The following RNF123 variants were observed in gnomAD, a reference collection of about 807,000 sequenced individuals.
The protein encoded by RNF123 is ring finger protein 123, also known as E3 ubiquitin-protein ligase RNF123.
RNF123 carries 86 observed loss-of-function variants against 168.5 expected under a neutral mutation model. That is an observed-to-expected ratio of 0.51 (90% CI 0.43 to 0.61). The LOEUF (loss-of-function observed/expected upper bound fraction) is 0.61. Among genes scored for constraint, RNF123 ranks in the 20% least tolerant of loss-of-function variants. The pLI is 0.00. For synonymous variants in RNF123, 666 were observed against 689.1 expected (o/e 0.97, Z 0.52); for missense variants, 1,419 against 1,729.7 (o/e 0.82, Z 3.19).
chr3:49,717,906 G>C, intron 35 of RNF123: 2 of 1,570,084 alleles, frequency 1.3e-6, no homozygotes, highest in Non-Finnish European at 1.7e-6. Context: ...GGAGCAGGGC[G>C]AGCAGCAAGA....
chr3:49,697,879 A>G lies in RNF123; in HGVS notation c.343-6A>G. 1 of 1,614,008 alleles carries G rather than the reference A, an allele frequency of 6.2e-7. No individual in the cohort carries two copies. The highest frequency in any genetic ancestry group is 8.5e-7 in the Non-Finnish European group (1 of 1,179,982). The stretch of plus-strand genomic sequence containing the variant: ...AGCTAGCCCACCACCCCTCTTCTTC[A>G]CCCAGGTGATTGGACACAGCAACTT... On this transcript the variant is annotated splice_polypyrimidine_tract_variant and splice_region_variant and intron_variant, in intron 5 of 38. Coordinates refer to ENST00000327697, the MANE Select transcript of RNF123 (RefSeq NM_022064.5).
Position 49,691,140 on chromosome 3 carries a change from C to G in RNF123, c.-26C>G. ...CTGTGTCTGGCTCAGCCCCCAGGAC[C>G]ACTGGCTGCCCATGAGAGATGAAGG... On this transcript the variant is annotated 5_prime_UTR_variant, in exon 2 of 39. Coordinates refer to ENST00000327697, the MANE Select transcript of RNF123 (RefSeq NM_022064.5). 1.2e-6 allele frequency: 2 copies of G among 1,610,438 alleles called. No individual in the cohort carries two copies. The highest frequency in any genetic ancestry group is 1.7e-6 in the Non-Finnish European group (2 of 1,177,000).
chr3:49,718,852 G>C lies in RNF123; in HGVS notation c.3501-1659G>C, dbSNP rs754152158. 2 of 1,613,448 alleles carry C rather than the reference G, an allele frequency of 1.2e-6. No individual in the cohort carries two copies. Among genetic ancestry groups the C allele is most frequent in the Non-Finnish European group, 1.7e-6 (2 of 1,180,042 alleles). On this transcript the variant is annotated intron_variant, in intron 35 of 38. Coordinates refer to ENST00000327697, the MANE Select transcript of RNF123 (RefSeq NM_022064.5). ...GCCGTTCTTGAGGAAGGCCGGCAGC[G>C]CGGCCAGCTCAGGTACGGAGATGTG...
chr3:49,689,945 C>G (rs188322715), intron 1 of RNF123: 1 of 152,164 alleles, frequency 6.6e-6, no homozygotes, highest in Non-Finnish European at 1.5e-5. Context: ...CTCCCGGAGC[C>G]CACTCCGGGT....
chr3:49,720,515 G>A lies in RNF123; in HGVS notation c.3505G>A (p.Glu1169Lys). 1 of 1,586,046 alleles carries A rather than the reference G, an allele frequency of 6.3e-7. No homozygotes were observed. Among genetic ancestry groups the A allele is most frequent in the Non-Finnish European group, 8.6e-7 (1 of 1,164,986 alleles). ...LLVRGPASER[E>K]QATSVLLADP... The stretch of plus-strand genomic sequence containing the variant: ...CTTGCACCCTCCCCTACCTAGGAGA[G>A]AGCAAGCCACATCAGTGCTCCTGGC... Residue 1169 changes from glutamate to lysine, a missense_variant, in exon 36 of 39, where the codon GAG becomes AAG. By Grantham distance (56) the Glu-to-Lys change is moderately conservative (BLOSUM62 1). Transcript: ENST00000327697.
rs1007857762 is a variant in RNF123 at position 49,703,408 on chromosome 3, C to T, written c.1751-19C>T. The T allele has an allele frequency of 6.2e-7, 1 of 1,606,338 alleles. No individual in the cohort carries two copies. Among genetic ancestry groups the T allele is most frequent in the Non-Finnish European group, 8.5e-7 (1 of 1,173,300 alleles). Reference sequence around the variant, plus strand: ...TACTGGGCCGTGACCACTGGCCTAGCCTCCTCAATTCCTCGCAGAGGCCTA... The same window carrying T: ...TACTGGGCCGTGACCACTGGCCTAGTCTCCTCAATTCCTCGCAGAGGCCTA... On this transcript the variant is annotated intron_variant, in intron 20 of 38. Coordinates refer to ENST00000327697, the MANE Select transcript of RNF123 (RefSeq NM_022064.5).
In RNF123 at chr3:49,698,116, C is replaced by A; in HGVS notation, c.462C>A (p.Ile154=). 6.2e-7 allele frequency: 1 copy of A among 1,613,852 alleles called. No individual in the cohort carries two copies. The highest frequency in any genetic ancestry group is 8.5e-7 in the Non-Finnish European group (1 of 1,179,946). The part of the protein sequence containing the change: ...QGLMQIGWCT[I]SCRFNQEEGV... Reference sequence around the variant, plus strand: ...TCATGCAGATCGGCTGGTGCACCATCAGCTGCCGCTTCAACCAGGAGGTAC... The same window carrying A: ...TCATGCAGATCGGCTGGTGCACCATAAGCTGCCGCTTCAACCAGGAGGTAC... The change falls in exon 7 of 39, where the codon ATC becomes ATA. Residue 154 remains isoleucine (I), a synonymous_variant. Transcript: ENST00000327697.
chr3:49,704,178 C>T (rs991842585), intron 21 of RNF123, among the ~76,000 whole-genome samples: 9 of 151,822 alleles, frequency 5.9e-5, no homozygotes, highest in Admixed American at 3.9e-4. Context: ...GCAGCGAAGG[C>T]GGGGTCAGTT....
At chr3:49,709,518 T>C (rs1202729064) in intron 26 of RNF123, among the ~76,000 whole-genome samples, 8 of 152,124 alleles carry the variant, frequency 5.3e-5, no homozygotes, top group African/African-American at 1.9e-4. Context: ...GCCAGGATGG[T>C]CTCGATCTCC....
Position 49,698,168 on chromosome 3 carries a change from G to C in RNF123, c.483+31G>C, listed in dbSNP as rs748040421. ...CGTTGGGGAGGGGACCCCTCCCTGGGCCCAGGGAGAGCTTCTCCTGCCACA... is the reference window on the plus strand; with the variant it reads ...CGTTGGGGAGGGGACCCCTCCCTGGCCCCAGGGAGAGCTTCTCCTGCCACA... On this transcript the variant is annotated intron_variant, in intron 7 of 38. Coordinates refer to ENST00000327697, the MANE Select transcript of RNF123 (RefSeq NM_022064.5). The C allele has an allele frequency of 3.2e-6, 5 of 1,584,004 alleles. No homozygotes were observed. In the Admixed American group the frequency reaches 8.4e-5, roughly 27 times the overall value.
intron 26 of RNF123, among the ~76,000 whole-genome samples, chr3:49,708,307 C>T (rs956909690): frequency 6.6e-6 from 1 of 152,168 alleles, no homozygotes; most frequent in Non-Finnish European, 1.5e-5. Context: ...TTCACATTGT[C>T]GTGCAGCCAA....
At position 49,697,917 on chromosome 3, in the gene RNF123, C is replaced by T. The variant is rs1249931127; in HGVS notation, c.375C>T (p.Arg125=). The T allele has an allele frequency of 6.2e-7, 1 of 1,614,226 alleles. No homozygotes were observed. The highest frequency in any genetic ancestry group is 1.1e-5 in the South Asian group (1 of 91,090). Reference sequence around the variant, plus strand: ...GACACAGCAACTTTGGCACCATCCGCTCTACCACATGCGTGTACAAAGGTG... The same window carrying T: ...GACACAGCAACTTTGGCACCATCCGTTCTACCACATGCGTGTACAAAGGTG... The part of the protein sequence containing the change: ...VIGHSNFGTI[R]STTCVYKGKW... Residue 125 remains arginine (R), a synonymous_variant, in exon 6 of 39, where the codon CGC becomes CGT. Transcript: ENST00000327697.
chr3:49,715,847 A>T lies in RNF123; in HGVS notation c.3176A>T (p.Glu1059Val). 6.2e-7 allele frequency: 1 copy of T among 1,614,052 alleles called. No individual in the cohort carries two copies. Among genetic ancestry groups the T allele is most frequent in the Middle Eastern group, 1.6e-4 (1 of 6,062 alleles). ...QEIQQAAERL[E>V]RNFVDSRQLK... ...ATCCAGCAGGCTGCTGAGCGCCTGG[A>T]GCGGAACTTTGTGGACAGCCGGCAG... The change falls in exon 33 of 39, where the codon GAG (glutamate) becomes GTG (valine). Residue 1059 changes from glutamate (E) to valine (V), a missense_variant. Physicochemically the swap from Glu to Val is moderately radical, Grantham distance 121. Around this residue, in one of 5 missense-constraint regions of RNF123, gnomAD observed 538 missense variants for 708.8 expected, o/e 0.76. Transcript: ENST00000327697.
Position 49,714,116 on chromosome 3 carries a change from A to G in RNF123, c.2952A>G (p.Thr984=). ...GCTGTGGCTTCGGGTACCGCTATAC[A>G]CGGCTGCCACATCTGCTGAAAACCA... is the stretch of plus-strand genomic sequence containing the variant. ...WRGCGFGYRY[T]RLPHLLKTKL... is the part of the protein sequence containing the mutation. Residue 984 remains threonine, a synonymous_variant, in exon 31 of 39, where the codon ACA becomes ACG. Coordinates refer to ENST00000327697, the MANE Select transcript of RNF123 (RefSeq NM_022064.5). 1 of 1,614,010 alleles carries G rather than the reference A, an allele frequency of 6.2e-7. No homozygotes were observed. The highest frequency in any genetic ancestry group is 8.5e-7 in the Non-Finnish European group (1 of 1,180,024).
chr3:49,691,572 G>A (rs2054167601), intron 3 of RNF123, 63 bp downstream of exon 3: 2 of 1,360,674 alleles, frequency 1.5e-6, no homozygotes, highest in Admixed American at 1.8e-5. Context: ...GGAGGCTGCA[G>A]TTGTAGGGAA....
chr3:49,702,752 G>A lies in RNF123; in HGVS notation c.1749G>A (p.Glu583=), dbSNP rs2054431897. Residue 583 remains glutamate, a splice_region_variant and synonymous_variant, in exon 20 of 39, where the codon GAG becomes GAA. Transcript: ENST00000327697. ...CCAATCCTCATGCTTCCTTCAGTGA[G>A]GGTGAGTGGCACCGGGGTCCCAGGT... ...KASNPHASFS[E]EAYIPPQVFY... 6.2e-7 allele frequency: 1 copy of A among 1,614,040 alleles called. No individual in the cohort carries two copies. The highest frequency in any genetic ancestry group is 1.3e-5 in the African/African-American group (1 of 74,946).
At position 49,691,528 on chromosome 3, in the gene RNF123, C is replaced by T. The variant is rs746663506; in HGVS notation, c.167+19C>T. On this transcript the variant is annotated intron_variant, in intron 3 of 38. Transcript: ENST00000327697. ...CCAGCAGGTATGGCTGGGTGGGTGG[C>T]CCCTCCTCACTCTGCTGGGCCAGAC... 16 of 1,601,610 alleles carry T rather than the reference C, an allele frequency of 1.0e-5. No individual in the cohort carries two copies. Among genetic ancestry groups the T allele is most frequent in the African/African-American group, 1.3e-5 (1 of 74,682 alleles).
At chr3:49,712,702 T>G in intron 27 of RNF123, 46 bp downstream of exon 27, 7 of 1,594,044 alleles carry the variant, frequency 4.4e-6, no homozygotes, top group Non-Finnish European at 5.2e-6. Flanking sequence ...AAGGGGTCTC[T>G]AGTGTGAGCC....
At chr3:49,704,196 C>G (rs906133163) in intron 21 of RNF123, among the ~76,000 whole-genome samples, 2 of 151,896 alleles carry the variant, frequency 1.3e-5, no homozygotes, top group African/African-American at 2.4e-5. Context: ...GTTGTCAGCA[C>G]GGTGGTGGGG....
Sources: allele counts gnomAD v4.1 joint callset (sites outside exome capture counted in the v4.1 genomes callset), GRCh38; gene constraint gnomAD v4.1.1; regional missense constraint gnomAD v4.1.1; transcripts MANE v1.5; gene names NCBI Gene and HGNC (gene_info 2026-07-23, HGNC 2026-07-21).